Variants in NAV3 observed in about 807,000 individuals in gnomAD.
NAV3 encodes neuron navigator 3.
Under a neutral mutation model 244.7 loss-of-function variants are expected in NAV3, and 87 were observed. The observed-to-expected ratio is 0.36, with a 90% CI of 0.30 to 0.42. NAV3 has a LOEUF of 0.42. Ranked by LOEUF, NAV3 falls within the 20% of genes least tolerant of loss-of-function variation. The probability of loss-of-function intolerance (pLI) is 1.00; values close to 1 mark genes in which losing one functional copy is unlikely to be tolerated. For synonymous variants in NAV3, 1,126 were observed against 1,042.2 expected (o/e 1.08, Z -1.55); for missense variants, 2,663 against 2,893.3 (o/e 0.92, Z 1.83).
At chr12:78,192,943 A>G (rs1959048269) in intron 34 of NAV3, among the ~76,000 whole-genome samples, 3 of 152,082 alleles carry the variant, frequency 2.0e-5, no homozygotes, top group Admixed American at 6.6e-5. Context: ...GAGGATAAAT[A>G]TAAAAAAAGA....
chr12:78,061,533 G>A (rs541490785), intron 12 of NAV3, among the ~76,000 whole-genome samples: 1 of 151,966 alleles, frequency 6.6e-6, no homozygotes, highest in Middle Eastern at 3.2e-3. Context: ...TTGCAAAAAG[G>A]TCATAGTATA....
chr12:77,730,759 A>T (rs547529637), intron 2 of NAV3, among the ~76,000 whole-genome samples: 1 of 151,448 alleles, frequency 6.6e-6, no homozygotes, highest in Non-Finnish European at 1.5e-5. Flanking sequence ...GGGATGGCAT[A>T]GTGCTTTTTT....
chr12:78,073,527 G>T (rs969594816), intron 12 of NAV3, among the ~76,000 whole-genome samples: 143 of 151,974 alleles, frequency 9.4e-4, no homozygotes, highest in African/African-American at 2.7e-3. Context: ...CACTGCTCAA[G>T]GAAATAAAAG....
chr12:77,879,958 T>G (rs114554159), intron 1 of NAV3, among the ~76,000 whole-genome samples: 1,938 of 152,246 alleles, frequency 0.013, 50 homozygotes, highest in African/African-American at 0.044. Flanking sequence ...TTCTCTACTC[T>G]CATTTTCCTT....
rs56305334 is a variant in NAV3, at chr12:78,136,828, T to A, written c.4442-349T>A. On this transcript the variant is annotated intron_variant, in intron 18 of 39. Transcript: ENST00000397909. ...TTTTTCCATTAAAGTGATTACTATT[T>A]TTAAAGAGAAAACCGAAAACTCTAG... is the stretch of plus-strand genomic sequence containing the variant. Among the ~76,000 whole-genome samples the A allele has an allele frequency of 2.0e-3, 300 of 152,310 alleles. 2 individuals are homozygous for A. Among genetic ancestry groups the A allele is most frequent in the African/African-American group, 6.5e-3 (269 of 41,572 alleles).
chr12:77,621,311 C>A (rs1337018453), intron 2 of NAV3, among the ~76,000 whole-genome samples: 1 of 152,160 alleles, frequency 6.6e-6, no homozygotes, highest in Non-Finnish European at 1.5e-5. Context: ...TATGTAGAAG[C>A]AATGCCCTCC....
upstream of NAV3, among the ~76,000 whole-genome samples, chr12:77,827,571 A>G (rs1873145670): frequency 6.6e-6 from 1 of 152,126 alleles, no homozygotes; most frequent in African/African-American, 2.4e-5. Context: ...CAACCAATTT[A>G]TTTCATTTTA....
chr12:77,715,561 A>C (rs1288824482), intron 2 of NAV3, among the ~76,000 whole-genome samples: 1 of 152,044 alleles, frequency 6.6e-6, no homozygotes, highest in Non-Finnish European at 1.5e-5. Context: ...AGGGTTATTA[A>C]ATTACTAGGA....
chr12:78,181,536 C>G (rs961530818), intron 30 of NAV3, among the ~76,000 whole-genome samples: 1 of 151,978 alleles, frequency 6.6e-6, no homozygotes, highest in East Asian at 1.9e-4. Context: ...GAACACAGTA[C>G]TAGTGATGGA....
intron 1 of NAV3, among the ~76,000 whole-genome samples, chr12:77,852,569 A>T (rs534603613): frequency 3.9e-5 from 6 of 152,216 alleles, no homozygotes; most frequent in Middle Eastern, 3.4e-3. Flanking sequence ...ATAAATAAAT[A>T]AATAAATAAT....
At chr12:77,824,367 AC>A (rs1349631869) in intron 2 of NAV3, among the ~76,000 whole-genome samples, 1 of 149,452 alleles carries the variant, frequency 6.7e-6, no homozygotes, top group Non-Finnish European at 1.5e-5. Context: ...TGCTGGGATT[AC>A]AGGCATGCGC....
intron 5 of NAV3, among the ~76,000 whole-genome samples, chr12:77,980,168 G>T (rs1869307840): frequency 6.6e-6 from 1 of 151,990 alleles, no homozygotes; most frequent in Non-Finnish European, 1.5e-5. Flanking sequence ...CCTGATGGTT[G>T]GTTTCCCAAG....
chr12:77,873,469 A>G (rs1010949464), intron 1 of NAV3, among the ~76,000 whole-genome samples: 3 of 151,634 alleles, frequency 2.0e-5, no homozygotes, highest in African/African-American at 7.3e-5. Context: ...GATGAACTTA[A>G]TTTTTAATGA....
intron 30 of NAV3, among the ~76,000 whole-genome samples, chr12:78,184,878 T>C (rs1299515735): frequency 6.6e-6 from 1 of 151,798 alleles, no homozygotes; most frequent in Non-Finnish European, 1.5e-5. Context: ...CCTTAATAAT[T>C]CTCCAAATTG....
At chr12:77,615,661 A>C (rs1317792282) in intron 2 of NAV3, among the ~76,000 whole-genome samples, 2 of 152,166 alleles carry the variant, frequency 1.3e-5, no homozygotes, top group Non-Finnish European at 2.9e-5. Context: ...GCTATTGTGA[A>C]TGCTGCTGTG....
At chr12:77,580,204 TG>T (rs1203238086) in intron 2 of NAV3, among the ~76,000 whole-genome samples, 1 of 148,264 alleles carries the variant, frequency 6.7e-6, no homozygotes, top group Non-Finnish European at 1.5e-5. Flanking sequence ...TTTCTTTATT[TG>T]GGGGTAGGGT....
At chr12:77,673,803 G>T (rs968904394) in intron 2 of NAV3, among the ~76,000 whole-genome samples, 1 of 151,858 alleles carries the variant, frequency 6.6e-6, no homozygotes, top group African/African-American at 2.4e-5. Flanking sequence ...AAGTTCTATT[G>T]CATATCTATT....
intron 18 of NAV3, chr12:78,130,247 G>T (rs1173868577): frequency 6.4e-6 from 1 of 156,244 alleles, no homozygotes; most frequent in African/African-American, 2.4e-5. Context: ...AACTCCTTAG[G>T]GACACAAGTG....
At chr12:77,597,403 C>A (rs950098896) in intron 2 of NAV3, among the ~76,000 whole-genome samples, 23 of 151,972 alleles carry the variant, frequency 1.5e-4, no homozygotes, top group African/African-American at 5.6e-4. Flanking sequence ...GGCAGGTACT[C>A]AATAAATATT....
Sources: allele counts gnomAD v4.1 joint callset (sites outside exome capture counted in the v4.1 genomes callset), GRCh38; gene constraint gnomAD v4.1.1; transcripts MANE v1.5; gene names NCBI Gene and HGNC (gene_info 2026-07-23, HGNC 2026-07-21).